Variants in TCERG1L observed in about 807,000 individuals in gnomAD.
TCERG1L encodes transcription elongation regulator 1 like.
A neutral mutation model predicts 56.3 loss-of-function variants in TCERG1L; 37 were observed. The observed-to-expected ratio is 0.66, with a 90% confidence interval of 0.51 to 0.87. The LOEUF (loss-of-function observed/expected upper bound fraction) is 0.87, where lower values mean the gene tolerates loss of function less well. TCERG1L is among the 40% of genes least tolerant of loss of function. TCERG1L has a pLI of 0.00. For missense variants in TCERG1L, 799 were observed against 774.2 expected (o/e 1.03, Z -0.38); for synonymous variants, 324 against 326.3 (o/e 0.99, Z 0.08).
intron 4 of TCERG1L, among the ~76,000 whole-genome samples, chr10:131,250,366 C>T (rs1048247840): frequency 1.0e-4 from 10 of 95,956 alleles, no homozygotes; most frequent in African/African-American, 5.2e-4. Flanking sequence ...TGCAGATGTT[C>T]AAGTGAGGTG....
chr10:131,244,291 G>T (rs1433282129), intron 4 of TCERG1L, among the ~76,000 whole-genome samples: 1 of 152,172 alleles, frequency 6.6e-6, no homozygotes, highest in Non-Finnish European at 1.5e-5. Context: ...CGTGAAGCAT[G>T]AGAAATGCCA....
chr10:131,203,331 C>T (rs1237155415), intron 4 of TCERG1L, among the ~76,000 whole-genome samples: 2 of 77,082 alleles, frequency 2.6e-5, no homozygotes, highest in Non-Finnish European at 5.5e-5. Flanking sequence ...AAAAAGACTT[C>T]CAGTATGTCA....
At chr10:131,136,447 C>A (rs191097641) in intron 7 of TCERG1L, among the ~76,000 whole-genome samples, 6 of 150,462 alleles carry the variant, frequency 4.0e-5, no homozygotes, top group Admixed American at 6.6e-5. Context: ...ACTGGGGCCA[C>A]CTCCGTGGCT....
rs1407158422 is a variant in TCERG1L, at chr10:131,311,185, C to T, written c.342+109G>A. 7 of 920,316 alleles carry T rather than the reference C, an allele frequency of 7.6e-6. No homozygotes were observed. The highest frequency in any genetic ancestry group is 5.3e-5 in the South Asian group (1 of 18,884). 57.0% of individuals were successfully genotyped at this position (920,316 alleles called of 1,614,324 possible). A position where few individuals can be genotyped will look rare whatever the true frequency, so the allele number is the denominator to read the frequency against. The stretch of plus-strand genomic sequence containing the variant: ...CCTGAGGGTTTGGGGCGGCGAGGAC[C>T]GCCGGGGAGGAGGGCGCGCGAGCCG... On this transcript the variant is annotated intron_variant, in intron 1 of 11. Coordinates refer to ENST00000368642, the MANE Select transcript of TCERG1L (RefSeq NM_174937.4). The surrounding 1 kb of genome is among the most constrained non-coding windows in gnomAD (Gnocchi z 4.0).
intron 4 of TCERG1L, among the ~76,000 whole-genome samples, chr10:131,256,994 A>AAGGAAGGAAGGAAGGAAAGG (rs1554897149): frequency 2.9e-4 from 20 of 69,140 alleles, no homozygotes; most frequent in African/African-American, 1.1e-3. Flanking sequence ...GGAAGGAAGG[A>AAGGAAGGAAGGAAGGAAAGG]AAGAAAGAAA....
intron 2 of TCERG1L, 131 bp downstream of exon 2, chr10:131,309,022 G>T: frequency 9.6e-7 from 1 of 1,040,786 alleles, no homozygotes; most frequent in African/African-American, 1.7e-5. Flanking sequence ...ATCCTGAAAT[G>T]ATTTATTTCT....
chr10:131,122,316 G>A (rs1845522236), intron 8 of TCERG1L, among the ~76,000 whole-genome samples: 1 of 152,176 alleles, frequency 6.6e-6, no homozygotes, highest in Admixed American at 6.5e-5. Context: ...CAAGGAAGGG[G>A]CTGGCGTGTC....
chr10:131,224,968 GC>G (rs1253247025), intron 4 of TCERG1L, among the ~76,000 whole-genome samples: 1 of 152,134 alleles, frequency 6.6e-6, no homozygotes, highest in Non-Finnish European at 1.5e-5. Context: ...ATGACCATCG[GC>G]CCGCAGTGTG....
chr10:131,171,166 C>G (rs1460816905), intron 4 of TCERG1L, among the ~76,000 whole-genome samples: 1 of 76,444 alleles, frequency 1.3e-5, no homozygotes, highest in Non-Finnish European at 2.6e-5. Flanking sequence ...AAAACAAAAA[C>G]AAAAACACAC....
chr10:131,194,280 A>C (rs2918143), intron 4 of TCERG1L, among the ~76,000 whole-genome samples: 102,956 of 152,170 alleles, frequency 0.68, 36,563 homozygotes, highest in South Asian at 0.87. Context: ...CGCTGCCCCG[A>C]GGAACTTACA....
intron 6 of TCERG1L, among the ~76,000 whole-genome samples, chr10:131,153,644 T>C (rs909713488): frequency 6.6e-6 from 1 of 152,212 alleles, no homozygotes; most frequent in South Asian, 2.1e-4. Context: ...GTAAGTGCAG[T>C]GCCTCAGGAT....
chr10:131,175,828 T>C (rs1022866358), intron 4 of TCERG1L, among the ~76,000 whole-genome samples: 2 of 151,624 alleles, frequency 1.3e-5, no homozygotes, highest in African/African-American at 2.4e-5. Flanking sequence ...AAGGTGGAGG[T>C]TGGGACAGAG....
chr10:131,149,958 A>C (rs1327792084), intron 6 of TCERG1L, among the ~76,000 whole-genome samples: 1 of 152,232 alleles, frequency 6.6e-6, no homozygotes, highest in Non-Finnish European at 1.5e-5. Context: ...GGCAGCCCCA[A>C]GCCTGAAGCT....
intron 7 of TCERG1L, among the ~76,000 whole-genome samples, chr10:131,139,047 A>C (rs76286037): frequency 0.026 from 3,949 of 152,304 alleles, 94 homozygotes; most frequent in African/African-American, 0.027. Context: ...GTTCAATTTC[A>C]CTCAAAATTA....
intron 8 of TCERG1L, among the ~76,000 whole-genome samples, chr10:131,123,520 G>T (rs1450263916): frequency 2.6e-5 from 4 of 152,160 alleles, no homozygotes; most frequent in South Asian, 2.1e-4. Context: ...GTGAGGGGAG[G>T]GTGTGGGGGG....
rs554785484 is a variant in TCERG1L at position 131,138,794 on chromosome 10, G to T, written c.1190-4346C>A. 9.2e-5 allele frequency among the ~76,000 whole-genome samples: 14 copies of T among 152,182 alleles called. No homozygotes were observed. The South Asian group carries it at 2.3e-3, about 25-fold the overall frequency. On this transcript the variant is annotated intron_variant, in intron 7 of 11. Coordinates refer to ENST00000368642, the MANE Select transcript of TCERG1L (RefSeq NM_174937.4). ...CTCCAACATTGTGAACATACTGAAC[G>T]CCACTGAATTGTACATTTACACATG...
chr10:131,115,575 G>A (rs75590543), intron 9 of TCERG1L, among the ~76,000 whole-genome samples: 3,704 of 152,304 alleles, frequency 0.024, 65 homozygotes, highest in Non-Finnish European at 0.039. Flanking sequence ...GCCTGACACG[G>A]GGTATTGCAG....
chr10:131,205,662 G>A (rs7896364), intron 4 of TCERG1L, among the ~76,000 whole-genome samples: 16,324 of 152,274 alleles, frequency 0.11, 1,102 homozygotes, highest in East Asian at 0.17. Flanking sequence ...CTGGGGTCAT[G>A]GGGCCACCCT....
At chr10:131,222,803 C>T (rs1333937112) in intron 4 of TCERG1L, among the ~76,000 whole-genome samples, 2 of 152,170 alleles carry the variant, frequency 1.3e-5, no homozygotes, top group African/African-American at 4.8e-5. Flanking sequence ...CCTTCCCAAG[C>T]CACCGCTCTC....
Sources: allele counts gnomAD v4.1 joint callset (sites outside exome capture counted in the v4.1 genomes callset), GRCh38; gene constraint gnomAD v4.1.1; non-coding constraint Gnocchi (gnomAD v3.1); transcripts MANE v1.5; gene names NCBI Gene and HGNC (gene_info 2026-07-23, HGNC 2026-07-21).